The following UBE2E1 variants were observed in gnomAD, a reference collection of about 807,000 sequenced individuals.
UBE2E1 encodes the protein ubiquitin-conjugating enzyme E2 E1.
In UBE2E1, 6 loss-of-function variants were observed where a neutral mutation model predicts 21.4. The observed-to-expected ratio is 0.28, with a 90% CI of 0.15 to 0.55. UBE2E1 has a LOEUF of 0.55. Among genes scored for constraint, UBE2E1 ranks in the 20% least tolerant of loss-of-function variants. The pLI is 0.93. For synonymous variants in UBE2E1, 87 were observed against 82.7 expected, an observed-to-expected ratio of 1.05 and a Z score of -0.28; for missense variants, 142 against 236.5, an observed-to-expected ratio of 0.60 and a Z score of 2.62.
intron 3 of UBE2E1, among the ~76,000 whole-genome samples, chr3:23,883,541 G>C (rs1413143021): frequency 6.6e-6 from 1 of 152,112 alleles, no homozygotes; most frequent in Non-Finnish European, 1.5e-5. Flanking sequence ...GAATTTTTCT[G>C]TTTTATTCTC....
intron 3 of UBE2E1, among the ~76,000 whole-genome samples, chr3:23,835,416 A>G (rs1699956131): frequency 6.6e-6 from 1 of 152,148 alleles, no homozygotes; most frequent in Admixed American, 6.5e-5. Context: ...TAAGTGAGCT[A>G]GGATCATGCC....
Position 23,876,527 on chromosome 3 carries a change from C to T in UBE2E1, c.204-11040C>T, listed in dbSNP as rs1213370968. On this transcript the variant is annotated intron_variant, in intron 3 of 5. Coordinates refer to ENST00000306627, the MANE Select transcript of UBE2E1 (RefSeq NM_003341.5). The surrounding 1 kb of genome is among the most constrained non-coding windows in gnomAD (Gnocchi z 4.3). ...ATTTCTTAGCAATAGAAGAGTAAAT[C>T]AGGAGTGGATTTTTAGTAGTGTGTT... Among the ~76,000 whole-genome samples, 2 of 152,078 alleles carry T rather than the reference C, an allele frequency of 1.3e-5. No homozygotes were observed. Among genetic ancestry groups the T allele is most frequent in the Non-Finnish European group, 2.9e-5 (2 of 68,026 alleles).
chr3:23,883,956 T>C (rs1208434632), intron 3 of UBE2E1, among the ~76,000 whole-genome samples: 4 of 151,992 alleles, frequency 2.6e-5, no homozygotes, highest in African/African-American at 9.7e-5. Flanking sequence ...CTTGGTCTTT[T>C]CCAGTGGATT....
chr3:23,868,469 C>T (rs569131214), intron 3 of UBE2E1, among the ~76,000 whole-genome samples: 49 of 151,998 alleles, frequency 3.2e-4, no homozygotes, highest in South Asian at 1.5e-3. Flanking sequence ...CTAACACACC[C>T]GGCTAATTTT....
At chr3:23,854,385 T>C (rs988736017) in intron 3 of UBE2E1, among the ~76,000 whole-genome samples, 3 of 152,134 alleles carry the variant, frequency 2.0e-5, no homozygotes, top group Non-Finnish European at 4.4e-5. Flanking sequence ...TTTCCTGAGA[T>C]ATATTATCTT....
At chr3:23,877,935 C>T (rs933259238) in intron 3 of UBE2E1, among the ~76,000 whole-genome samples, 1 of 152,186 alleles carries the variant, frequency 6.6e-6, no homozygotes, top group African/African-American at 2.4e-5. Flanking sequence ...TCCCAAGCCT[C>T]TGCCCTTTTT....
intron 3 of UBE2E1, among the ~76,000 whole-genome samples, chr3:23,884,740 T>TA (rs1193009721): frequency 6.6e-6 from 1 of 152,204 alleles, no homozygotes; most frequent in Admixed American, 6.5e-5. Flanking sequence ...CTCCTGCCTC[T>TA]AGGAGGCAGC....
At chr3:23,818,840 G>C (rs1699583371) in intron 3 of UBE2E1, among the ~76,000 whole-genome samples, 1 of 152,186 alleles carries the variant, frequency 6.6e-6, no homozygotes, top group Non-Finnish European at 1.5e-5. Context: ...AAGAGGACTT[G>C]GAGAAAGGAG....
intron 3 of UBE2E1, among the ~76,000 whole-genome samples, chr3:23,825,255 A>G (rs1376383197): frequency 1.3e-5 from 2 of 152,208 alleles, no homozygotes; most frequent in South Asian, 2.1e-4. Context: ...CTGCCTGTTT[A>G]CTTGTGACCT....
chr3:23,888,618 G>T (rs189406883), intron 4 of UBE2E1, among the ~76,000 whole-genome samples: 3 of 152,062 alleles, frequency 2.0e-5, no homozygotes, highest in African/African-American at 7.2e-5. Flanking sequence ...CTGATGTAAC[G>T]GTCAGAAAAA....
In UBE2E1 at chr3:23,887,516, A is replaced by G; in HGVS notation, c.204-51A>G. ...TTTCCATCTCTTTTAATACACTGTA[A>G]AAATTGGGATAGTGCCACCATCTGC... On this transcript the variant is annotated intron_variant, in intron 3 of 5. Coordinates refer to ENST00000306627, the MANE Select transcript of UBE2E1 (RefSeq NM_003341.5). The surrounding 1 kb of genome is among the most constrained non-coding windows in gnomAD (Gnocchi z 4.4). 1 of 1,571,296 alleles carries G rather than the reference A, an allele frequency of 6.4e-7. No individual in the cohort carries two copies. Among genetic ancestry groups the G allele is most frequent in the Non-Finnish European group, 8.6e-7 (1 of 1,163,992 alleles).
At chr3:23,840,994 A>T (rs61652123) in intron 3 of UBE2E1, among the ~76,000 whole-genome samples, 1 of 152,190 alleles carries the variant, frequency 6.6e-6, no homozygotes, top group Non-Finnish European at 1.5e-5. Flanking sequence ...AGTATCTGAT[A>T]TACCATCTTG....
At chr3:23,883,093 ATCTTT>A (rs1328119319) in intron 3 of UBE2E1, among the ~76,000 whole-genome samples, 10 of 152,222 alleles carry the variant, frequency 6.6e-5, no homozygotes, top group East Asian at 1.9e-4. Context: ...ACCTCTCCCC[ATCTTT>A]TCTTTAGTAT....
intron 4 of UBE2E1, among the ~76,000 whole-genome samples, chr3:23,888,894 G>A (rs970276179): frequency 6.6e-6 from 1 of 152,210 alleles, no homozygotes; most frequent in African/African-American, 2.4e-5. Context: ...AAATTAGGAA[G>A]TACTGAACTT....
chr3:23,871,549 G>A (rs911813292), intron 3 of UBE2E1, among the ~76,000 whole-genome samples: 1 of 151,182 alleles, frequency 6.6e-6, no homozygotes, highest in Non-Finnish European at 1.5e-5. Flanking sequence ...GGTGGCTGCC[G>A]GGCGGAGACG....
chr3:23,820,850 C>T (rs970381548), intron 3 of UBE2E1, among the ~76,000 whole-genome samples: 1 of 152,036 alleles, frequency 6.6e-6, no homozygotes, highest in Non-Finnish European at 1.5e-5. Flanking sequence ...TAAAATTGAT[C>T]GATGGAAAAT....
chr3:23,830,049 A>G (rs1699836071), intron 3 of UBE2E1, among the ~76,000 whole-genome samples: 1 of 152,182 alleles, frequency 6.6e-6, no homozygotes, highest in Non-Finnish European at 1.5e-5. Flanking sequence ...TTTAAAAGAT[A>G]CTTTGTCAAG....
chr3:23,857,001 TAAAAA>T (rs34840201), intron 3 of UBE2E1, among the ~76,000 whole-genome samples: 3 of 129,816 alleles, frequency 2.3e-5, no homozygotes, highest in South Asian at 5.2e-4. Flanking sequence ...GGCTGTCTCT[TAAAAA>T]AAAAAAAAAA....
rs988110662 is a variant in UBE2E1 at position 23,808,467 on chromosome 3, A to C, written c.152+1046A>C. Among the ~76,000 whole-genome samples the C allele has an allele frequency of 6.6e-6, 1 of 152,216 alleles. No homozygotes were observed. The highest frequency in any genetic ancestry group is 1.9e-4 in the East Asian group (1 of 5,204). On this transcript the variant is annotated intron_variant, in intron 2 of 5. Coordinates refer to ENST00000306627, the MANE Select transcript of UBE2E1 (RefSeq NM_003341.5). This position sits in a 1 kb window ranked among gnomAD's most constrained non-coding sequence, Gnocchi z 4.9. ...TGGGATAGGGATACCCTTCTTAAAA[A>C]TTTTTAAAATAAAGTAGAACATGAG...
Sources: gnomAD v4.1 joint callset for allele counts (sites outside exome capture counted in the v4.1 genomes callset) on GRCh38, gnomAD v4.1.1 for gene constraint, Gnocchi (gnomAD v3.1) non-coding constraint, MANE v1.5 for transcripts, NCBI Gene and HGNC (gene_info 2026-07-23, HGNC 2026-07-21) for gene names.